PDE1C: variants seen among roughly 807,000 people sequenced by gnomAD.
The protein encoded by PDE1C is dual specificity calcium/calmodulin-dependent 3',5'-cyclic nucleotide phosphodiesterase 1C.
Under a neutral mutation model 93.1 loss-of-function variants are expected in PDE1C, and 62 were observed. The ratio of observed to expected loss-of-function variants is 0.67; its 90% CI spans 0.54 to 0.82. The LOEUF (loss-of-function observed/expected upper bound fraction) is 0.82. Ranked by LOEUF, PDE1C falls within the 40% of genes least tolerant of loss-of-function variation. The pLI is 0.00. For missense variants in PDE1C, 742 were observed against 884.6 expected (o/e 0.84, Z 2.04); for synonymous variants, 325 against 310.1 (o/e 1.05, Z -0.50).
chr7:31,693,841 G>A, the PDE1C span, among the ~76,000 whole-genome samples: 1 of 152,206 alleles, frequency 6.6e-6, no homozygotes, highest in African/African-American at 2.4e-5. Flanking sequence ...AGAAGGAAAT[G>A]AAAGGGAAGG....
chr7:32,066,449 G>A (rs917879054), intron 1 of PDE1C, among the ~76,000 whole-genome samples: 1 of 152,164 alleles, frequency 6.6e-6, no homozygotes, highest in African/African-American at 2.4e-5. Flanking sequence ...CTACCTCATA[G>A]TTGGGCAAAA....
At chr7:31,984,077 T>C (rs1018013907) in intron 2 of PDE1C, among the ~76,000 whole-genome samples, 1 of 144,566 alleles carries the variant, frequency 6.9e-6, no homozygotes, top group African/African-American at 2.6e-5. Flanking sequence ...CTGAAGGCGG[T>C]ATGATAGAGG....
intron 2 of PDE1C, among the ~76,000 whole-genome samples, chr7:31,985,009 C>T (rs1394502217): frequency 1.3e-5 from 2 of 152,112 alleles, no homozygotes; most frequent in Non-Finnish European, 2.9e-5. Flanking sequence ...ACGACCTTTC[C>T]TCAAAGTAAA....
At chr7:31,768,306 A>G (rs1030870864) in intron 17 of PDE1C, among the ~76,000 whole-genome samples, 4 of 152,108 alleles carry the variant, frequency 2.6e-5, no homozygotes, top group African/African-American at 9.7e-5. Flanking sequence ...TGCGGTTGCC[A>G]CTGTTTACAG....
intron 1 of PDE1C, among the ~76,000 whole-genome samples, chr7:32,313,392 C>T (rs1391742836): frequency 6.6e-6 from 1 of 151,662 alleles, no homozygotes; most frequent in African/African-American, 2.4e-5. Context: ...ACTCAGCCAT[C>T]CCATTACTGG....
intron 1 of PDE1C, among the ~76,000 whole-genome samples, chr7:32,286,625 C>T (rs1812019118): frequency 6.6e-6 from 1 of 152,138 alleles, no homozygotes; most frequent in African/African-American, 2.4e-5. Flanking sequence ...GAAGCTGATA[C>T]AAACACAAAA....
chr7:32,075,577 C>A (rs1796304505), upstream of PDE1C, among the ~76,000 whole-genome samples: 1 of 152,082 alleles, frequency 6.6e-6, no homozygotes, highest in Non-Finnish European at 1.5e-5. Flanking sequence ...TCTCAGGAAC[C>A]ACCTTCCCTA....
At chr7:31,926,678 G>C (rs1393942995) in intron 2 of PDE1C, among the ~76,000 whole-genome samples, 1 of 152,166 alleles carries the variant, frequency 6.6e-6, no homozygotes, top group Non-Finnish European at 1.5e-5. Context: ...ACCTGGGAAA[G>C]TGCAAGGAGT....
intron 6 of PDE1C, among the ~76,000 whole-genome samples, chr7:31,871,798 G>A (rs907339899): frequency 2.6e-5 from 4 of 151,286 alleles, no homozygotes; most frequent in Non-Finnish European, 4.4e-5. Flanking sequence ...AACAGTGTGC[G>A]GATTTCTCAA....
intron 17 of PDE1C, among the ~76,000 whole-genome samples, chr7:31,759,570 T>G (rs1019996296): frequency 1.3e-5 from 2 of 152,220 alleles, no homozygotes; most frequent in African/African-American, 2.4e-5. Flanking sequence ...ATCTAATTAG[T>G]TAATGAAGAT....
At chr7:32,120,935 GC>G (rs1229897971) in intron 3 of PDE1C, among the ~76,000 whole-genome samples, 2 of 152,152 alleles carry the variant, frequency 1.3e-5, no homozygotes, top group African/African-American at 4.8e-5. Context: ...ACTCCACTGA[GC>G]TAAAGGAGCG....
chr7:32,142,906 T>C (rs1253631402), intron 3 of PDE1C, among the ~76,000 whole-genome samples: 2 of 152,076 alleles, frequency 1.3e-5, no homozygotes, highest in Non-Finnish European at 2.9e-5. Flanking sequence ...CAAATAACTC[T>C]CATGACCAAA....
At chr7:32,357,970 C>A (rs1784063946) in intron 1 of PDE1C, among the ~76,000 whole-genome samples, 1 of 152,190 alleles carries the variant, frequency 6.6e-6, no homozygotes, top group Non-Finnish European at 1.5e-5. Context: ...CTAAAGTTTT[C>A]CAATTTGCAG....
chr7:32,271,028 C>T (rs918571262), intron 1 of PDE1C, among the ~76,000 whole-genome samples: 3 of 152,058 alleles, frequency 2.0e-5, no homozygotes, highest in African/African-American at 4.8e-5. Context: ...ATCCCAGCTA[C>T]TCAGGAGGCT....
At chr7:32,258,295 T>C (rs1585040319) in intron 1 of PDE1C, among the ~76,000 whole-genome samples, 1 of 152,214 alleles carries the variant, frequency 6.6e-6, no homozygotes, top group African/African-American at 2.4e-5. Flanking sequence ...GGAATTAACT[T>C]ATATCCTAGC....
intron 2 of PDE1C, among the ~76,000 whole-genome samples, chr7:32,208,534 T>C (rs988654576): frequency 6.6e-6 from 1 of 152,174 alleles, no homozygotes; most frequent in African/African-American, 2.4e-5. Context: ...ATGTCCAATT[T>C]TGAACATTTT....
rs560155720 is a variant in PDE1C, at chr7:32,087,569, C to T, written c.308+82216G>A. 7.2e-5 allele frequency among the ~76,000 whole-genome samples: 11 copies of T among 152,218 alleles called. No individual in the cohort carries two copies. In the East Asian group the frequency reaches 1.2e-3, roughly 16 times the overall value. Reference sequence around the variant, plus strand: ...ATGCACACGTATGTTTATTGCAGCACTATTCACAATAGCAAAGACTTGGAA... The same window carrying T: ...ATGCACACGTATGTTTATTGCAGCATTATTCACAATAGCAAAGACTTGGAA... On this transcript the variant is annotated intron_variant, in intron 3 of 18. Coordinates refer to the PDE1C transcript ENST00000396193.
the PDE1C span, among the ~76,000 whole-genome samples, chr7:31,645,208 A>G: frequency 6.6e-6 from 1 of 152,194 alleles, no homozygotes; most frequent in East Asian, 1.9e-4. Context: ...AAATATCTAA[A>G]TCTATGTAAG....
In PDE1C at chr7:32,339,742, T is replaced by C. The variant is rs182744507; in HGVS notation, c.310+88080A>G. Among the ~76,000 whole-genome samples the C allele has an allele frequency of 4.5e-4, 69 of 152,114 alleles. 1 individual carries two copies. The East Asian group carries it at 0.013, about 28-fold the overall frequency. ...TCATGGGAATACAGAACTTTCCAGC[T>C]TGAAAAGAAGCACAGAGATGAGGCA... On this transcript the variant is annotated intron_variant, in intron 1 of 1. Coordinates refer to the PDE1C transcript ENST00000672256.
Sources: allele counts gnomAD v4.1 joint callset (sites outside exome capture counted in the v4.1 genomes callset), GRCh38; gene constraint gnomAD v4.1.1; transcripts MANE v1.5; gene names NCBI Gene and HGNC (gene_info 2026-07-23, HGNC 2026-07-21).